FBXO42: variants seen among roughly 807,000 people sequenced by gnomAD.
The protein encoded by FBXO42 is F-box only protein 42.
In FBXO42, 12 loss-of-function variants were observed where a neutral mutation model predicts 71.7. That is an observed-to-expected ratio of 0.17 (90% CI 0.11 to 0.27). The LOEUF is 0.27. Ranked by LOEUF, FBXO42 falls within the 10% of genes least tolerant of loss-of-function variation. The pLI is 1.00. For missense variants in FBXO42, 707 were observed against 911.9 expected (o/e 0.78, Z 2.89); for synonymous variants, 325 against 327.5 (o/e 0.99, Z 0.08).
chr1:16,310,066 A>T (rs908244295), intron 2 of FBXO42, among the ~76,000 whole-genome samples: 8 of 151,720 alleles, frequency 5.3e-5, no homozygotes, highest in African/African-American at 1.7e-4. Context: ...GTGGTGGTGG[A>T]TGCCTGTAGT....
At chr1:16,316,273 T>C (rs1002807398) in intron 1 of FBXO42, among the ~76,000 whole-genome samples, 7 of 152,128 alleles carry the variant, frequency 4.6e-5, no homozygotes, top group Admixed American at 2.0e-4. Flanking sequence ...CGGAGAATAC[T>C]TGCCAGCGGT....
chr1:16,294,652 G>A (rs2082110869), intron 4 of FBXO42, 131 bp downstream of exon 4: 1 of 824,886 alleles, frequency 1.2e-6, no homozygotes, highest in Non-Finnish European at 1.9e-6. Context: ...TCATTTACAT[G>A]GCACATTAAA....
intron 2 of FBXO42, among the ~76,000 whole-genome samples, chr1:16,314,591 C>A (rs1343816292): frequency 6.6e-6 from 1 of 152,194 alleles, no homozygotes; most frequent in African/African-American, 2.4e-5. Context: ...TTACTATTAT[C>A]CCATATCCAT....
intron 4 of FBXO42, among the ~76,000 whole-genome samples, chr1:16,278,486 T>C (rs992512412): frequency 2.6e-5 from 4 of 152,202 alleles, no homozygotes; most frequent in Non-Finnish European, 5.9e-5. Context: ...CTGTCTTTTT[T>C]ATTTTTATTT....
rs554240931 is a variant in FBXO42 at position 16,288,311 on chromosome 1, C to T, written c.502+6472G>A. Among the ~76,000 whole-genome samples, 457 of 151,878 alleles carry T rather than the reference C, an allele frequency of 3.0e-3. 3 individuals carry two copies. The highest frequency in any genetic ancestry group is 5.1e-3 in the Non-Finnish European group (347 of 67,932). On this transcript the variant is annotated intron_variant, in intron 4 of 9. Transcript: ENST00000375592. ...TGGGCATGGTGGCACATGCCTGTAA[C>T]CCCAGCTACTGGGGAGGCTGAGGCA...
intron 4 of FBXO42, among the ~76,000 whole-genome samples, chr1:16,287,095 C>G (rs1238225199): frequency 6.6e-6 from 1 of 152,196 alleles, no homozygotes. Context: ...CAGAAAGCCA[C>G]ACATATGTGA....
chr1:16,294,790 C>A lies in FBXO42; in HGVS notation c.495G>T (p.Leu165Phe). ...CAGCATTTCATCTCTTACCTGAAGC[C>A]AAAGGTCGGATCCACTCTTTGCTGT... Reference protein sequence around the residue: ...DLNSKEWIRPLASGSYPSPKA... With the variant: ...DLNSKEWIRPFASGSYPSPKA... The change falls in exon 4 of 10, where the codon TTG becomes TTT. Residue 165 changes from leucine to phenylalanine, a missense_variant. Physicochemically the swap from Leu to Phe is conservative, Grantham distance 22 (BLOSUM62 0). Transcript: ENST00000375592. 6.2e-7 allele frequency: 1 copy of A among 1,613,354 alleles called. No individual in the cohort carries two copies. The highest frequency in any genetic ancestry group is 8.5e-7 in the Non-Finnish European group (1 of 1,179,780).
In FBXO42 at chr1:16,343,605, C is replaced by T. The variant is rs147416324; in HGVS notation, c.-18+8650G>A. On this transcript the variant is annotated intron_variant, in intron 1 of 9. Coordinates refer to ENST00000375592, the MANE Select transcript of FBXO42 (RefSeq NM_018994.3). ...TTGGGAGGCCGAGGCAGGTACATCA[C>T]GAGGTCAGGAGTTCAAGACCAGCCT... Among the ~76,000 whole-genome samples, 558 of 152,062 alleles carry T rather than the reference C, an allele frequency of 3.7e-3. 1 individual carries two copies. Among genetic ancestry groups the T allele is most frequent in the Non-Finnish European group, 5.8e-3 (397 of 67,988 alleles).
chr1:16,317,900 C>T (rs139449480), intron 1 of FBXO42, among the ~76,000 whole-genome samples: 54 of 151,026 alleles, frequency 3.6e-4, no homozygotes, highest in African/African-American at 1.3e-3. Flanking sequence ...GCCTGGGCAA[C>T]CGAGTTAGAC....
At chr1:16,298,246 C>G (rs763905895) in intron 3 of FBXO42, among the ~76,000 whole-genome samples, 1 of 151,840 alleles carries the variant, frequency 6.6e-6, no homozygotes, top group African/African-American at 2.4e-5. Flanking sequence ...AACAAAAACA[C>G]CAAAGAACTA....
chr1:16,281,406 A>G (rs532057037), intron 4 of FBXO42, among the ~76,000 whole-genome samples: 2 of 152,060 alleles, frequency 1.3e-5, no homozygotes. Context: ...ATCTCCTGGG[A>G]CAGTATGCCA....
At chr1:16,317,750 A>G (rs753095371) in intron 1 of FBXO42, among the ~76,000 whole-genome samples, 1 of 151,668 alleles carries the variant, frequency 6.6e-6, no homozygotes, top group Non-Finnish European at 1.5e-5. Context: ...AAAGTGAGAC[A>G]CCATCTCTAC....
At chr1:16,298,533 G>A (rs570376162) in intron 3 of FBXO42, among the ~76,000 whole-genome samples, 1 of 152,122 alleles carries the variant, frequency 6.6e-6, no homozygotes, top group East Asian at 1.9e-4. Flanking sequence ...TTTCTGAGAT[G>A]GAGTCTCACT....
Position 16,315,329 on chromosome 1 carries a change from C to T in FBXO42, c.90G>A (p.Glu30=), listed in dbSNP as rs763820093. 1 of 1,614,148 alleles carries T rather than the reference C, an allele frequency of 6.2e-7. No homozygotes were observed. Among genetic ancestry groups the T allele is most frequent in the Non-Finnish European group, 8.5e-7 (1 of 1,180,016 alleles). Residue 30 remains glutamate, a synonymous_variant, in exon 2 of 10, where the codon GAG becomes GAA. Transcript: ENST00000375592. ...CAGCCTCCAATACTGGGTGGGGCTCCTCATCTTGATCCATTGTCCCTTCCA... is the reference window on the plus strand; with the variant it reads ...CAGCCTCCAATACTGGGTGGGGCTCTTCATCTTGATCCATTGTCCCTTCCA... ...TVLEGTMDQD[E]EPHPVLEAEE...
Position 16,337,729 on chromosome 1 carries a change from C to G in FBXO42, c.-18+14526G>C, listed in dbSNP as rs537066214. On this transcript the variant is annotated intron_variant, in intron 1 of 9. Transcript: ENST00000375592. ...GAAACCCCCGCCTCTACAAAAAATA[C>G]AAAAATTAGCTGGGCACGGCGACAG... is the stretch of plus-strand genomic sequence containing the variant. Among the ~76,000 whole-genome samples the G allele has an allele frequency of 1.3e-4, 19 of 150,740 alleles. No homozygotes were observed. In the South Asian group the frequency reaches 3.8e-3, roughly 30 times the overall value.
At chr1:16,346,386 T>C (rs61770560) in intron 1 of FBXO42, among the ~76,000 whole-genome samples, 1 of 152,044 alleles carries the variant, frequency 6.6e-6, no homozygotes, top group South Asian at 2.1e-4. Context: ...TTCAAATCTA[T>C]TTATTACTAG....
At chr1:16,342,412 A>C (rs890901881) in intron 1 of FBXO42, among the ~76,000 whole-genome samples, 11 of 150,970 alleles carry the variant, frequency 7.3e-5, no homozygotes, top group East Asian at 1.9e-4. Flanking sequence ...AAAAAAAAAA[A>C]AAAAACCCTA....
chr1:16,266,106 C>A (rs1426911073), intron 4 of FBXO42, among the ~76,000 whole-genome samples: 2 of 152,100 alleles, frequency 1.3e-5, no homozygotes, highest in East Asian at 3.9e-4. Context: ...CAAGATAGAA[C>A]TTTTGAAAGA....
intron 4 of FBXO42, among the ~76,000 whole-genome samples, chr1:16,263,347 C>T (rs1342910686): frequency 6.6e-6 from 1 of 151,970 alleles, no homozygotes; most frequent in Non-Finnish European, 1.5e-5. Flanking sequence ...ACTCAGGAGG[C>T]TGAGGCAGGA....
Sources: gnomAD v4.1 joint callset for allele counts (sites outside exome capture counted in the v4.1 genomes callset) on GRCh38, gnomAD v4.1.1 for gene constraint, MANE v1.5 for transcripts, NCBI Gene and HGNC (gene_info 2026-07-23, HGNC 2026-07-21) for gene names.